ZMIZ1: variants seen among roughly 807,000 people sequenced by gnomAD.
ZMIZ1 encodes zinc finger MIZ-type containing 1.
Under a neutral mutation model 113.9 loss-of-function variants are expected in ZMIZ1, and 17 were observed. That is an observed-to-expected ratio of 0.15 (90% confidence interval 0.10 to 0.22). The LOEUF (loss-of-function observed/expected upper bound fraction) is 0.22, where lower values mean the gene tolerates loss of function less well. Ranked by LOEUF, ZMIZ1 falls within the 10% of genes least tolerant of loss-of-function variation. The pLI, the probability that ZMIZ1 is intolerant of heterozygous loss-of-function variation, is 1.00. For missense variants in ZMIZ1, 1,059 were observed against 1,477.8 expected (o/e 0.72, Z 4.65); for synonymous variants, 607 against 603.1 (o/e 1.01, Z -0.09).
chr10:79,150,498 G>A (rs1428955202), intron 3 of ZMIZ1, among the ~76,000 whole-genome samples: 1 of 152,250 alleles, frequency 6.6e-6, no homozygotes, highest in African/African-American at 2.4e-5. Flanking sequence ...CCTAGCAGGA[G>A]AAACCTCACA....
Position 79,256,086 on chromosome 10 carries a change from G to C in ZMIZ1, c.281-21095G>C, listed in dbSNP as rs549866384. On this transcript the variant is annotated intron_variant, in intron 7 of 24. Transcript: ENST00000334512. ...TTGGCATTGAGGAGGCTCTTGCTGG[G>C]GAGAGCTGCCTGCCACCTTCCTCCC... is the stretch of plus-strand genomic sequence containing the variant. Among the ~76,000 whole-genome samples the C allele has an allele frequency of 7.9e-5, 12 of 152,272 alleles. No homozygotes were observed. In the East Asian group the frequency reaches 2.3e-3, roughly 29 times the overall value.
chr10:79,175,316 G>A lies in ZMIZ1; in HGVS notation c.-50+13183G>A, dbSNP rs141755304. ...CGCTTCTTAGCAGCCACAGCTGCCC[G>A]TCTGCCTCTGGCTCTGGCTCTGCCT... On this transcript the variant is annotated intron_variant, in intron 4 of 24. Coordinates refer to ENST00000334512, the MANE Select transcript of ZMIZ1 (RefSeq NM_020338.4). Among the ~76,000 whole-genome samples, 1,044 of 152,310 alleles carry A rather than the reference G, an allele frequency of 6.9e-3. 14 individuals are homozygous for A. Among genetic ancestry groups the A allele is most frequent in the African/African-American group, 0.019 (786 of 41,566 alleles).
At chr10:79,202,189 GAAAA>G (rs58021590) in intron 5 of ZMIZ1, among the ~76,000 whole-genome samples, 10 of 52,634 alleles carry the variant, frequency 1.9e-4, no homozygotes, top group Non-Finnish European at 2.6e-4. Context: ...CCCTGTCTCA[GAAAA>G]AAAAAAAAAA....
intron 7 of ZMIZ1, among the ~76,000 whole-genome samples, chr10:79,250,410 G>C (rs997364353): frequency 6.6e-6 from 1 of 152,228 alleles, no homozygotes; most frequent in African/African-American, 2.4e-5. Context: ...GGGGACAGAG[G>C]GGCACAAGTG....
Position 79,208,423 on chromosome 10 carries a change from G to A in ZMIZ1, c.148G>A (p.Glu50Lys). 1 of 1,613,896 alleles carries A rather than the reference G, an allele frequency of 6.2e-7. No homozygotes were observed. Among genetic ancestry groups the A allele is most frequent in the Non-Finnish European group, 8.5e-7 (1 of 1,180,008 alleles). The change falls in exon 6 of 25, where the codon GAG (glutamate) becomes AAG (lysine). Residue 50 changes from glutamate (E) to lysine (K), a missense_variant. Transcript: ENST00000334512. ...CCCACGGGCCTTCCAGCGGCCCTTC[G>A]AGCAGAGCCTGATGGGCTGTTTGAC... ...GDPRAFQRPF[E>K]QSLMGCLTVV...
At chr10:79,311,244 G>A (rs748523086) in intron 24 of ZMIZ1, 60 bp downstream of exon 24, 99 of 1,326,202 alleles carry the variant, frequency 7.5e-5, no homozygotes, top group East Asian at 3.2e-4. Context: ...GGACCTGCCC[G>A]AGAGAAGGGG....
chr10:79,220,939 T>C (rs1166203089), intron 7 of ZMIZ1, among the ~76,000 whole-genome samples: 1 of 152,172 alleles, frequency 6.6e-6, no homozygotes, highest in Non-Finnish European at 1.5e-5. Context: ...ATGGTGTGTG[T>C]ATGTCTATGA....
In ZMIZ1 at chr10:79,293,494, C is replaced by T. The variant is rs747345331; in HGVS notation, c.1071C>T (p.Pro357=). 3 of 1,589,600 alleles carry T rather than the reference C, an allele frequency of 1.9e-6. No individual in the cohort carries two copies. In the South Asian group the frequency reaches 3.4e-5, roughly 18 times the overall value. ...NPASMAAGMT[P]SGMSGPPMGM... is the part of the protein sequence containing the mutation. ...CGAGCATGGCGGCTGGCATGACGCC[C>T]TCGGGGATGAGCGGCCCTCCCATGG... The change falls in exon 12 of 25, where the codon CCC becomes CCT. Residue 357 remains proline (P), a synonymous_variant. Coordinates refer to ENST00000334512, the MANE Select transcript of ZMIZ1 (RefSeq NM_020338.4).
Position 79,100,532 on chromosome 10 carries a change from C to T in ZMIZ1, c.-336-18383C>T, listed in dbSNP as rs116629052. Among the ~76,000 whole-genome samples the T allele has an allele frequency of 3.5e-3, 528 of 151,918 alleles. 1 individual carries two copies. Among genetic ancestry groups the T allele is most frequent in the African/African-American group, 0.012 (511 of 41,418 alleles). On this transcript the variant is annotated intron_variant, in intron 1 of 24. Transcript: ENST00000334512. Reference sequence around the variant, plus strand: ...GCTCAGTGGGGGCCTGATCACATCCCAGAGGGCCTTGAATGCCGAATGGAG... The same window carrying T: ...GCTCAGTGGGGGCCTGATCACATCCTAGAGGGCCTTGAATGCCGAATGGAG...
intron 4 of ZMIZ1, among the ~76,000 whole-genome samples, chr10:79,199,366 G>A (rs1589413595): frequency 6.6e-6 from 1 of 151,890 alleles, no homozygotes; most frequent in African/African-American, 2.4e-5. Flanking sequence ...AATTAGCCAG[G>A]CATAGTGGCA....
intron 3 of ZMIZ1, among the ~76,000 whole-genome samples, chr10:79,140,834 G>A (rs1845225317): frequency 1.3e-5 from 2 of 152,232 alleles, no homozygotes; most frequent in South Asian, 4.1e-4. Flanking sequence ...CCAGGTTGGA[G>A]TGCAGTGACA....
intron 4 of ZMIZ1, among the ~76,000 whole-genome samples, chr10:79,186,706 C>T (rs754618347): frequency 8.5e-5 from 13 of 152,174 alleles, no homozygotes; most frequent in Non-Finnish European, 1.3e-4. Flanking sequence ...AAAGAATGAG[C>T]GTGAGCAGGG....
chr10:79,141,511 G>A (rs1845268062), intron 3 of ZMIZ1, among the ~76,000 whole-genome samples: 1 of 152,030 alleles, frequency 6.6e-6, no homozygotes, highest in South Asian at 2.1e-4. Context: ...CAGCTGAAGT[G>A]ATTCTCCCAC....
intron 3 of ZMIZ1, among the ~76,000 whole-genome samples, chr10:79,160,755 C>T (rs1030641906): frequency 6.6e-5 from 10 of 152,260 alleles, no homozygotes; most frequent in African/African-American, 2.4e-4. Context: ...CTTACCGAGC[C>T]CCTTGGCGTG....
intron 4 of ZMIZ1, among the ~76,000 whole-genome samples, chr10:79,171,033 C>A (rs990860392): frequency 2.0e-5 from 3 of 152,216 alleles, no homozygotes; most frequent in Admixed American, 2.0e-4. Context: ...AAATCAAGAA[C>A]CCCCTCCCAG....
intron 23 of ZMIZ1, 57 bp from the exon 24 acceptor site, chr10:79,310,867 C>G (rs1855101446): frequency 6.4e-7 from 1 of 1,552,206 alleles, no homozygotes. Flanking sequence ...CTCCAGGCAT[C>G]ATCGCCGTGC....
At chr10:79,103,122 G>A (rs2132268067) in intron 1 of ZMIZ1, among the ~76,000 whole-genome samples, 1 of 152,170 alleles carries the variant, frequency 6.6e-6, no homozygotes, top group African/African-American at 2.4e-5. Context: ...GACCCCTTGA[G>A]AAACTGTAAA....
At chr10:79,202,306 A>T (rs116710477) in intron 5 of ZMIZ1, among the ~76,000 whole-genome samples, 1 of 151,836 alleles carries the variant, frequency 6.6e-6, no homozygotes, top group East Asian at 1.9e-4. Context: ...TTATTTAAAA[A>T]TAAGAACCCA....
At chr10:79,252,565 C>G (rs1485243779) in intron 7 of ZMIZ1, among the ~76,000 whole-genome samples, 1 of 152,222 alleles carries the variant, frequency 6.6e-6, no homozygotes. Context: ...CTACCTGAAG[C>G]CTTGCTTTCA....
Sources: gnomAD v4.1 joint callset for allele counts (sites outside exome capture counted in the v4.1 genomes callset) on GRCh38, gnomAD v4.1.1 for gene constraint, MANE v1.5 for transcripts, NCBI Gene and HGNC (gene_info 2026-07-23, HGNC 2026-07-21) for gene names.